CFAP44: variants seen among roughly 807,000 people sequenced by gnomAD.
CFAP44 encodes cilia and flagella associated protein 44.
A neutral mutation model predicts 216.2 loss-of-function variants in CFAP44; 134 were observed. The ratio of observed to expected loss-of-function variants is 0.62; its 90% CI spans 0.54 to 0.72. The LOEUF (loss-of-function observed/expected upper bound fraction) is 0.72, where lower values mean the gene tolerates loss of function less well. Among genes scored for constraint, CFAP44 ranks in the 30% least tolerant of loss-of-function variants. The pLI is 0.00. For missense variants in CFAP44, 2,035 were observed against 2,182.1 expected (o/e 0.93, Z 1.34); for synonymous variants, 700 against 727.6 (o/e 0.96, Z 0.61).
At chr3:113,360,967 G>T in intron 21 of CFAP44, 2 of 271,232 alleles carry the variant, frequency 7.4e-6, no homozygotes, top group South Asian at 1.1e-4. Context: ...ATCTGTGTAT[G>T]AATTTTGATG....
At chr3:113,342,789 C>T (rs375833488) in intron 23 of CFAP44, among the ~76,000 whole-genome samples, 1 of 151,144 alleles carries the variant, frequency 6.6e-6, no homozygotes, top group Non-Finnish European at 1.5e-5. Flanking sequence ...CTCAGGAGTT[C>T]AAGACCAGCC....
At chr3:113,409,005 G>GAAA in intron 7 of CFAP44, 101 bp downstream of exon 7, 1 of 542,314 alleles carries the variant, frequency 1.8e-6, no homozygotes, top group South Asian at 2.7e-5. Context: ...AACCAAAACA[G>GAAA]CAAAAAAAAA....
intron 24 of CFAP44, among the ~76,000 whole-genome samples, chr3:113,334,605 G>A (rs1032444806): frequency 4.6e-5 from 7 of 152,136 alleles, no homozygotes; most frequent in African/African-American, 1.4e-4. Flanking sequence ...GCACAAAGAG[G>A]ACAGGTATAG....
intron 5 of CFAP44, chr3:113,417,453 G>A (rs1934680374): frequency 6.6e-6 from 1 of 152,130 alleles, no homozygotes; most frequent in Admixed American, 6.6e-5. Context: ...TGTAGGAAGG[G>A]TAAATGGCCA....
At chr3:113,324,518 A>G (rs1950173171) in intron 28 of CFAP44, among the ~76,000 whole-genome samples, 2 of 152,220 alleles carry the variant, frequency 1.3e-5, no homozygotes, top group South Asian at 4.1e-4. Flanking sequence ...AAATTACATG[A>G]TCATGAATCA....
Position 113,333,563 on chromosome 3 carries a change from T to C in CFAP44, c.3458A>G (p.Asp1153Gly). Residue 1153 changes from aspartate (D) to glycine (G), a missense_variant, in exon 25 of 35, where the codon GAT becomes GGT. Around this residue, in one of 3 missense-constraint regions of CFAP44, gnomAD observed 1,883 missense variants for 2,023.7 expected, o/e 0.93. Transcript: ENST00000393845. Reference sequence around the variant, plus strand: ...AAGATCTTTGGGATCTTCATAGTCATCACCAGGTTTACTCTTGTATCTATT... The same window carrying C: ...AAGATCTTTGGGATCTTCATAGTCACCACCAGGTTTACTCTTGTATCTATT... ...WEELYKSKPGDDYEDPKDLQA... is the reference protein window; with the variant it reads ...WEELYKSKPGGDYEDPKDLQA... The C allele has an allele frequency of 1.3e-6, 2 of 1,535,248 alleles. No individual in the cohort carries two copies. The highest frequency in any genetic ancestry group is 1.7e-6 in the Non-Finnish European group (2 of 1,146,402).
chr3:113,400,655 A>G lies in CFAP44; in HGVS notation c.1375-11T>C. The stretch of plus-strand genomic sequence containing the variant: ...TTCTGGGTCCTGGGTCTGAGAATAG[A>G]TAGACAGCTTACTAGATCTCAAAGA... On this transcript the variant is annotated splice_polypyrimidine_tract_variant and intron_variant, in intron 11 of 34. Transcript: ENST00000393845. The G allele has an allele frequency of 6.2e-7, 1 of 1,603,832 alleles. No homozygotes were observed.
intron 22 of CFAP44, among the ~76,000 whole-genome samples, chr3:113,347,374 G>A (rs1350508559): frequency 6.6e-6 from 1 of 152,164 alleles, no homozygotes; most frequent in African/African-American, 2.4e-5. Context: ...CGTCGCCCAA[G>A]CAAGGCTCAC....
intron 9 of CFAP44, among the ~76,000 whole-genome samples, chr3:113,402,573 G>A (rs1421009202): frequency 1.3e-5 from 2 of 152,210 alleles, no homozygotes; most frequent in African/African-American, 4.8e-5. Flanking sequence ...TGGGAAGACT[G>A]TCCCATAGAT....
intron 22 of CFAP44, among the ~76,000 whole-genome samples, chr3:113,346,379 C>T (rs373007775): frequency 3.8e-4 from 46 of 120,960 alleles, no homozygotes; most frequent in South Asian, 8.2e-4. Flanking sequence ...ATCAGCGCTC[C>T]GTGCCTAGCT....
chr3:113,403,848 T>C lies in CFAP44; in HGVS notation c.1170+4A>G. On this transcript the variant is annotated splice_donor_region_variant and intron_variant, in intron 9 of 34. Coordinates refer to ENST00000393845, the MANE Select transcript of CFAP44 (RefSeq NM_001164496.2). ...GCTACCATCCAAGTATCGAGAAAAC[T>C]TACCCTAACATATCCATCTGACCCA... 1.9e-6 allele frequency: 3 copies of C among 1,610,722 alleles called. No individual in the cohort carries two copies. Among genetic ancestry groups the C allele is most frequent in the Non-Finnish European group, 2.5e-6 (3 of 1,178,016 alleles).
chr3:113,379,931 T>C (rs1380354175), intron 16 of CFAP44, among the ~76,000 whole-genome samples: 1 of 152,204 alleles, frequency 6.6e-6, no homozygotes, highest in Admixed American at 6.5e-5. Flanking sequence ...CATCTATCAA[T>C]TGTCCTTTGC....
In CFAP44 at chr3:113,341,858, T is replaced by G; in HGVS notation, c.3323A>C (p.Lys1108Thr). Reference sequence around the variant, plus strand: ...TTCCACGATGATTTCACTTAGGGTTTTAGGCCGAAATTTCTTCCCTTTTTC... The same window carrying G: ...TTCCACGATGATTTCACTTAGGGTTGTAGGCCGAAATTTCTTCCCTTTTTC... ...IIEKGKKFRP[K>T]TLSEIIVENQ... The change falls in exon 24 of 35, where the codon AAA (lysine) becomes ACA (threonine). Residue 1108 changes from lysine to threonine, a missense_variant. Around this residue, in one of 3 missense-constraint regions of CFAP44, gnomAD observed 1,883 missense variants for 2,023.7 expected, o/e 0.93. Coordinates refer to ENST00000393845, the MANE Select transcript of CFAP44 (RefSeq NM_001164496.2). The G allele has an allele frequency of 1.3e-6, 2 of 1,532,838 alleles. No individual in the cohort carries two copies. Among genetic ancestry groups the G allele is most frequent in the South Asian group, 1.2e-5 (1 of 82,180 alleles). 95.0% of individuals were successfully genotyped at this position (1,532,838 alleles called of 1,614,324 possible).
intron 32 of CFAP44, among the ~76,000 whole-genome samples, chr3:113,300,296 A>G (rs80109686): frequency 0.031 from 4,759 of 152,270 alleles, 98 homozygotes; most frequent in African/African-American, 0.054. Flanking sequence ...GGTATTTGAT[A>G]GCCCAGCAGG....
intron 12 of CFAP44, 68 bp downstream of exon 12, chr3:113,400,477 T>C: frequency 7.5e-7 from 1 of 1,342,044 alleles, no homozygotes. Flanking sequence ...GTCAAACACA[T>C]ATAAAAATTT....
intron 24 of CFAP44, among the ~76,000 whole-genome samples, chr3:113,334,178 C>T (rs1286979233): frequency 6.6e-6 from 1 of 152,110 alleles, no homozygotes; most frequent in Non-Finnish European, 1.5e-5. Context: ...TCTCCATCTC[C>T]TGACTTCATG....
chr3:113,364,514 G>A (rs1950570180), intron 19 of CFAP44, among the ~76,000 whole-genome samples: 2 of 152,010 alleles, frequency 1.3e-5, no homozygotes, highest in African/African-American at 4.8e-5. Flanking sequence ...TAATCACTTA[G>A]GACAAAAATT....
intron 13 of CFAP44, 85 bp downstream of exon 13, chr3:113,399,821 G>A (rs536086811): frequency 3.3e-6 from 3 of 902,988 alleles, no homozygotes; most frequent in Non-Finnish European, 3.2e-6. Context: ...TTTTGAGTCA[G>A]CAAATATCTA....
intron 22 of CFAP44, among the ~76,000 whole-genome samples, chr3:113,348,740 C>A (rs933353560): frequency 6.6e-6 from 1 of 152,176 alleles, no homozygotes; most frequent in African/African-American, 2.4e-5. Flanking sequence ...TTGGCCCAAC[C>A]CGGGTACATG....
Sources: gnomAD v4.1 joint callset for allele counts (sites outside exome capture counted in the v4.1 genomes callset) on GRCh38, gnomAD v4.1.1 for gene constraint, gnomAD v4.1.1 regional missense constraint, MANE v1.5 for transcripts, NCBI Gene and HGNC (gene_info 2026-07-23, HGNC 2026-07-21) for gene names.